LRRTM4: variants seen among roughly 807,000 people sequenced by gnomAD.
LRRTM4 encodes leucine rich repeat transmembrane neuronal 4.
Under a neutral mutation model 47.6 loss-of-function variants are expected in LRRTM4, and 25 were observed. The observed-to-expected ratio is 0.53, with a 90% CI of 0.38 to 0.73. The LOEUF (loss-of-function observed/expected upper bound fraction) is 0.73, where lower values mean the gene tolerates loss of function less well. LRRTM4 is among the 30% of genes least tolerant of loss of function. The pLI, the probability that LRRTM4 is intolerant of heterozygous loss-of-function variation, is 0.00. For missense variants in LRRTM4, 638 were observed against 713.4 expected (o/e 0.89, Z 1.20); for synonymous variants, 311 against 269.5 (o/e 1.15, Z -1.51).
chr2:76,996,452 A>T (rs527570882), intron 3 of LRRTM4, among the ~76,000 whole-genome samples: 9 of 152,112 alleles, frequency 5.9e-5, no homozygotes, highest in Non-Finnish European at 1.2e-4. Context: ...AGGTAAAATA[A>T]AATTAAGCGA....
rs533919893 is a variant in LRRTM4, at chr2:77,133,419, C to G, written c.1552-384503G>C. Among the ~76,000 whole-genome samples, 8 of 152,164 alleles carry G rather than the reference C, an allele frequency of 5.3e-5. No homozygotes were observed. In the East Asian group the frequency reaches 1.4e-3, roughly 26 times the overall value. On this transcript the variant is annotated intron_variant, in intron 3 of 3. Transcript: ENST00000409884. Reference sequence around the variant, plus strand: ...TCATATCTGCAGATAATGGATTATACTTGCCAAAGAAATATAAGACAAAAA... The same window carrying G: ...TCATATCTGCAGATAATGGATTATAGTTGCCAAAGAAATATAAGACAAAAA...
chr2:77,430,672 G>T (rs1346389354), intron 3 of LRRTM4, among the ~76,000 whole-genome samples: 8 of 145,112 alleles, frequency 5.5e-5, no homozygotes, highest in African/African-American at 2.2e-4. Flanking sequence ...GGTGAGCTGA[G>T]ACCACGCCAT....
intron 3 of LRRTM4, among the ~76,000 whole-genome samples, chr2:77,304,915 A>C (rs775456833): frequency 8.5e-5 from 13 of 152,084 alleles, no homozygotes; most frequent in Non-Finnish European, 1.6e-4. Context: ...TGGTATATTT[A>C]ATGTTGTTAA....
intron 3 of LRRTM4, among the ~76,000 whole-genome samples, chr2:77,141,289 G>A (rs1478272596): frequency 6.6e-6 from 1 of 152,170 alleles, no homozygotes; most frequent in African/African-American, 2.4e-5. Context: ...ATACTATGCA[G>A]CCATAAAAAG....
intron 3 of LRRTM4, among the ~76,000 whole-genome samples, chr2:76,893,868 A>G (rs1673328191): frequency 1.3e-5 from 2 of 151,864 alleles, no homozygotes; most frequent in African/African-American, 4.8e-5. Flanking sequence ...TTTTGGGTGC[A>G]TTTTATTTGT....
chr2:77,422,376 A>T (rs1674934904), intron 3 of LRRTM4, among the ~76,000 whole-genome samples: 1 of 152,208 alleles, frequency 6.6e-6, no homozygotes, highest in South Asian at 2.1e-4. Context: ...TTTGTCAATA[A>T]ACTGCATCCA....
chr2:77,477,247 C>T (rs1270967876), intron 3 of LRRTM4, among the ~76,000 whole-genome samples: 1 of 151,994 alleles, frequency 6.6e-6, no homozygotes, highest in Non-Finnish European at 1.5e-5. Flanking sequence ...AGTAAAAGTA[C>T]ATACTGAGTG....
intron 3 of LRRTM4, among the ~76,000 whole-genome samples, chr2:77,292,513 A>G (rs2104134033): frequency 6.6e-6 from 1 of 152,172 alleles, no homozygotes; most frequent in East Asian, 1.9e-4. Context: ...AATACTATGC[A>G]GCCATAAAAA....
intron 3 of LRRTM4, among the ~76,000 whole-genome samples, chr2:76,779,439 G>A (rs934916310): frequency 3.6e-4 from 53 of 149,058 alleles, no homozygotes; most frequent in Non-Finnish European, 6.4e-4. Flanking sequence ...ATGAATCTGG[G>A]TGCTCCTGTA....
At chr2:76,848,711 T>C (rs1671906302) in intron 3 of LRRTM4, among the ~76,000 whole-genome samples, 1 of 152,096 alleles carries the variant, frequency 6.6e-6, no homozygotes, top group Non-Finnish European at 1.5e-5. Context: ...TTGTAATGTG[T>C]GAATGTTAAG....
chr2:76,795,572 T>C (rs1675247225), intron 3 of LRRTM4, among the ~76,000 whole-genome samples: 1 of 125,534 alleles, frequency 8.0e-6, no homozygotes, highest in South Asian at 2.8e-4. Flanking sequence ...TACATGTGCA[T>C]ATATATGCAC....
At chr2:77,023,833 C>A (rs758292646) in intron 3 of LRRTM4, among the ~76,000 whole-genome samples, 1 of 152,198 alleles carries the variant, frequency 6.6e-6, no homozygotes, top group Non-Finnish European at 1.5e-5. Flanking sequence ...TGCCTGTTAT[C>A]CAGTTCCAAA....
intron 3 of LRRTM4, among the ~76,000 whole-genome samples, chr2:77,366,931 C>T (rs191510772): frequency 2.4e-4 from 37 of 151,890 alleles, no homozygotes; most frequent in Non-Finnish European, 3.8e-4. Context: ...ATCACAAATA[C>T]GTCTTTCTAC....
chr2:77,511,859 TA>T (rs1482195786), intron 3 of LRRTM4, among the ~76,000 whole-genome samples: 1 of 152,182 alleles, frequency 6.6e-6, no homozygotes, highest in African/African-American at 2.4e-5. Context: ...TTTATGACCT[TA>T]AATCAAATGA....
At chr2:76,791,702 C>CAAACTGT (rs1674981991) in intron 3 of LRRTM4, among the ~76,000 whole-genome samples, 4 of 152,156 alleles carry the variant, frequency 2.6e-5, no homozygotes, top group African/African-American at 9.7e-5. Context: ...TGGAGAAATG[C>CAAACTGT]CACAGTGCAA....
chr2:77,192,966 G>A (rs932084912), intron 3 of LRRTM4, among the ~76,000 whole-genome samples: 4 of 151,952 alleles, frequency 2.6e-5, no homozygotes, highest in Non-Finnish European at 5.9e-5. Context: ...TTGACAATAA[G>A]TCATATGCTG....
At chr2:76,986,704 G>T (rs1214330429) in intron 3 of LRRTM4, among the ~76,000 whole-genome samples, 2 of 151,904 alleles carry the variant, frequency 1.3e-5, no homozygotes, top group South Asian at 2.1e-4. Flanking sequence ...GAAAACCTGA[G>T]CCGAGAGACA....
chr2:77,375,076 T>A (rs573952123), intron 3 of LRRTM4, among the ~76,000 whole-genome samples: 2 of 151,792 alleles, frequency 1.3e-5, no homozygotes, highest in Non-Finnish European at 2.9e-5. Flanking sequence ...ACATTCACTC[T>A]TTTCTTCTTT....
In LRRTM4 at chr2:77,288,221, AG is replaced by A. The variant is rs563699768; in HGVS notation, c.1551+230096del. On this transcript the variant is annotated intron_variant, in intron 3 of 3. Coordinates refer to ENST00000409884, the MANE Select transcript of LRRTM4 (RefSeq NM_001134745.3). ...AAGTAGAAAAAATAATTTATAAATT[AG>A]ATAAAATAATATATTTATAAGATAA... Among the ~76,000 whole-genome samples, 41 of 151,966 alleles carry A rather than the reference AG, an allele frequency of 2.7e-4. No homozygotes were observed. The South Asian group carries it at 7.9e-3, about 29-fold the overall frequency.
Sources: allele counts gnomAD v4.1 joint callset (sites outside exome capture counted in the v4.1 genomes callset), GRCh38; gene constraint gnomAD v4.1.1; transcripts MANE v1.5; gene names NCBI Gene and HGNC (gene_info 2026-07-23, HGNC 2026-07-21).